NFATC1: variants seen among roughly 807,000 people sequenced by gnomAD.
NFATC1 encodes the protein nuclear factor of activated T-cells, cytoplasmic 1.
In NFATC1, 22 loss-of-function variants were observed where a neutral mutation model predicts 76.0. The ratio of observed to expected loss-of-function variants is 0.29; its 90% CI spans 0.21 to 0.41. The LOEUF (loss-of-function observed/expected upper bound fraction) is 0.41. NFATC1 is among the 10% of genes least tolerant of loss of function. The pLI is 1.00. For synonymous variants in NFATC1, 704 were observed against 613.1 expected, an observed-to-expected ratio of 1.15 and a Z score of -2.19; for missense variants, 1,357 against 1,337.7, an observed-to-expected ratio of 1.01 and a Z score of -0.23.
chr18:79,410,686 C>T lies in NFATC1; in HGVS notation c.411C>T (p.His137=), dbSNP rs143262685. The T allele has an allele frequency of 7.4e-6, 12 of 1,612,964 alleles. No homozygotes were observed. Among genetic ancestry groups the T allele is most frequent in the African/African-American group, 2.7e-5 (2 of 74,900 alleles). Residue 137 remains histidine (H), a synonymous_variant, in exon 2 of 10, where the codon CAC becomes CAT. Transcript: ENST00000427363. This position sits in a 1 kb window ranked among gnomAD's most constrained non-coding sequence, Gnocchi z 6.7. Reference sequence around the variant, plus strand: ...ACCACAACAATAACCAGTTTTTCCACGATGTGGAGGTGGAAGACGTCCTCC... The same window carrying T: ...ACCACAACAATAACCAGTTTTTCCATGATGTGGAGGTGGAAGACGTCCTCC... ...GLYHNNNQFF[H]DVEVEDVLPS... is the part of the protein sequence containing the mutation.
intron 1 of NFATC1, chr18:79,400,341 C>A (rs907343102): frequency 7.5e-5 from 104 of 1,388,390 alleles, no homozygotes; most frequent in Non-Finnish European, 8.9e-5. Context: ...GAGAACCGAA[C>A]CCCTGGCGGC....
chr18:79,396,153 C>T lies in NFATC1; in HGVS notation c.-72C>T, dbSNP rs2084995219. 3 of 1,353,098 alleles carry T rather than the reference C, an allele frequency of 2.2e-6. No individual in the cohort carries two copies. Among genetic ancestry groups the T allele is most frequent in the African/African-American group, 1.6e-5 (1 of 64,298 alleles). 83.8% of individuals were successfully genotyped at this position (1,353,098 alleles called of 1,614,324 possible). A position where few individuals can be genotyped will look rare whatever the true frequency, so the allele number is the denominator to read the frequency against. The stretch of plus-strand genomic sequence containing the variant: ...GAGGGCTGTCTTCCCGGAGACCCGA[C>T]CCCGGCAGCGCGGGGCGGCCGCTTC... On this transcript the variant is annotated 5_prime_UTR_variant, in exon 1 of 10. Coordinates refer to ENST00000427363, the MANE Select transcript of NFATC1 (RefSeq NM_001278669.2).
chr18:79,424,980 T>C (rs1330561620), intron 2 of NFATC1, among the ~76,000 whole-genome samples: 7 of 150,942 alleles, frequency 4.6e-5, no homozygotes, highest in Admixed American at 1.3e-4. Context: ...TCTGTCTCTC[T>C]GTCTCTCTGT....
At chr18:79,433,830 C>T (rs779392956) in intron 3 of NFATC1, 92 bp downstream of exon 3, 3 of 1,457,792 alleles carry the variant, frequency 2.1e-6, no homozygotes, top group Non-Finnish European at 2.7e-6. Context: ...TAGACTCTCC[C>T]AGCCAGGCCA....
chr18:79,449,488 T>C (rs2087364586), intron 4 of NFATC1, among the ~76,000 whole-genome samples: 1 of 152,258 alleles, frequency 6.6e-6, no homozygotes, highest in Non-Finnish European at 1.5e-5. Context: ...CTTACTCACT[T>C]AATCCTAGCT....
At chr18:79,460,845 C>T (rs535514903) in intron 6 of NFATC1, among the ~76,000 whole-genome samples, 249 of 152,282 alleles carry the variant, frequency 1.6e-3, no homozygotes, top group Non-Finnish European at 2.9e-3. Flanking sequence ...ACTGCAGAGC[C>T]GGGTCCCAGG....
intron 1 of NFATC1, among the ~76,000 whole-genome samples, chr18:79,398,471 C>T (rs1249837907): frequency 1.3e-5 from 2 of 152,244 alleles, no homozygotes; most frequent in African/African-American, 4.8e-5. Flanking sequence ...GTCTGTGGAA[C>T]GGGCAGCTTT....
intron 9 of NFATC1, among the ~76,000 whole-genome samples, chr18:79,520,723 G>A (rs1196698995): frequency 8.3e-5 from 6 of 72,438 alleles, no homozygotes; most frequent in South Asian, 8.4e-4. Flanking sequence ...GTGGGGGGGG[G>A]GCATCCACTG....
chr18:79,469,040 G>A (rs1414065653), intron 8 of NFATC1: 1 of 145,206 alleles, frequency 6.9e-6, no homozygotes, highest in African/African-American at 2.9e-5. Context: ...CTCACGCTCT[G>A]GGACCCCCGG....
chr18:79,453,817 TAC>T (rs140527771), intron 6 of NFATC1, among the ~76,000 whole-genome samples: 1 of 152,354 alleles, frequency 6.6e-6, no homozygotes, highest in South Asian at 2.1e-4. Context: ...TGCATATTCA[TAC>T]ACACACAAGC....
At position 79,465,860 on chromosome 18, in the gene NFATC1, C is replaced by T. The variant is rs999197014; in HGVS notation, c.1960-1590C>T. Among the ~76,000 whole-genome samples, 1 of 152,256 alleles carries T rather than the reference C, an allele frequency of 6.6e-6. No individual in the cohort carries two copies. The highest frequency in any genetic ancestry group is 6.5e-5 in the Admixed American group (1 of 15,290). On this transcript the variant is annotated intron_variant, in intron 7 of 9. Coordinates refer to ENST00000427363, the MANE Select transcript of NFATC1 (RefSeq NM_001278669.2). The surrounding 1 kb of genome is among the most constrained non-coding windows in gnomAD (Gnocchi z 4.2). ...GGTCAGCCCAGGAGATGGCCCAGACCCACAGTGCTCTGGGGGCAGCCCAGG... is the reference window on the plus strand; with the variant it reads ...GGTCAGCCCAGGAGATGGCCCAGACTCACAGTGCTCTGGGGGCAGCCCAGG...
Position 79,425,735 on chromosome 18 carries a change from A to G in NFATC1, c.1227-7844A>G, listed in dbSNP as rs188907833. On this transcript the variant is annotated intron_variant, in intron 2 of 9. Coordinates refer to ENST00000427363, the MANE Select transcript of NFATC1 (RefSeq NM_001278669.2). ...CGTGGCCTTTCTAAGGGAGAGGGAC[A>G]TGGCAGGGCCTCAGGCTCAGCTCTT... Among the ~76,000 whole-genome samples, 17 of 152,294 alleles carry G rather than the reference A, an allele frequency of 1.1e-4. No individual in the cohort carries two copies. In the East Asian group the frequency reaches 3.3e-3, roughly 29 times the overall value.
At chr18:79,460,020 G>A (rs536172263) in intron 6 of NFATC1, among the ~76,000 whole-genome samples, 1 of 152,320 alleles carries the variant, frequency 6.6e-6, no homozygotes, top group African/African-American at 2.4e-5. Flanking sequence ...TTAGTTTCCT[G>A]TAATTTTTTT....
intron 3 of NFATC1, among the ~76,000 whole-genome samples, chr18:79,440,971 T>C (rs1049242976): frequency 6.6e-6 from 1 of 152,198 alleles, no homozygotes. Context: ...TGGGCTCGTG[T>C]CCGTGGACCT....
chr18:79,492,481 G>C (rs894190640), intron 9 of NFATC1, among the ~76,000 whole-genome samples: 1 of 151,758 alleles, frequency 6.6e-6, no homozygotes, highest in South Asian at 2.1e-4. Context: ...AGGCTGAGGC[G>C]GGTGGATCAC....
At chr18:79,445,335 G>A (rs1304870047) in intron 3 of NFATC1, among the ~76,000 whole-genome samples, 2 of 152,320 alleles carry the variant, frequency 1.3e-5, no homozygotes, top group African/African-American at 4.8e-5. Context: ...CCCCTGTACC[G>A]AGGGTGGAGC....
intron 9 of NFATC1, among the ~76,000 whole-genome samples, chr18:79,506,982 A>G (rs1542252): frequency 0.73 from 110,964 of 152,188 alleles, 41,059 homozygotes; most frequent in Non-Finnish European, 0.79. Flanking sequence ...CCCCGGACCC[A>G]TAATCAAAGC....
At chr18:79,512,025 C>A (rs1040774102) in intron 9 of NFATC1, among the ~76,000 whole-genome samples, 1 of 152,068 alleles carries the variant, frequency 6.6e-6, no homozygotes, top group Non-Finnish European at 1.5e-5. Context: ...CGGGAGCACG[C>A]GGGGCACAGG....
chr18:79,400,277 G>GCGGGA, intron 1 of NFATC1: 1 of 1,182,260 alleles, frequency 8.5e-7, no homozygotes, highest in Non-Finnish European at 1.1e-6. Context: ...GCGGGGCGGG[G>GCGGGA]ACGGGGGGAG....
Sources: gnomAD v4.1 joint callset for allele counts (sites outside exome capture counted in the v4.1 genomes callset) on GRCh38, gnomAD v4.1.1 for gene constraint, Gnocchi (gnomAD v3.1) non-coding constraint, MANE v1.5 for transcripts, NCBI Gene and HGNC (gene_info 2026-07-23, HGNC 2026-07-21) for gene names.